Variants in BBS9 observed in about 807,000 individuals in gnomAD.
The protein encoded by BBS9 is protein PTHB1.
In BBS9, 89 loss-of-function variants were observed where a neutral mutation model predicts 117.7. The observed-to-expected ratio is 0.76, with a 90% CI of 0.64 to 0.90. The LOEUF (loss-of-function observed/expected upper bound fraction) is 0.90, where lower values mean the gene tolerates loss of function less well. Ranked by LOEUF, BBS9 falls within the 40% of genes least tolerant of loss-of-function variation. BBS9 has a pLI of 0.00. For synonymous variants in BBS9, 379 were observed against 370.9 expected (o/e 1.02, Z -0.25); for missense variants, 982 against 1,042.2 (o/e 0.94, Z 0.80).
chr7:33,206,811 A>G (rs939645847), intron 5 of BBS9, among the ~76,000 whole-genome samples: 1 of 152,150 alleles, frequency 6.6e-6, no homozygotes, highest in Non-Finnish European at 1.5e-5. Context: ...CTCAATGATT[A>G]CATTTCCATC....
At chr7:33,608,839 T>C (rs1394896636), downstream of BBS9, among the ~76,000 whole-genome samples, 2 of 151,694 alleles carry the variant, frequency 1.3e-5, no homozygotes, top group Admixed American at 1.3e-4. Flanking sequence ...GTGTCTTTTA[T>C]GATGCAGAAG....
chr7:33,452,831 C>G (rs1838089435), intron 19 of BBS9, among the ~76,000 whole-genome samples: 1 of 152,052 alleles, frequency 6.6e-6, no homozygotes, highest in Non-Finnish European at 1.5e-5. Flanking sequence ...GATAATAACG[C>G]AAAAGTTATA....
chr7:33,258,353 A>G (rs554480766), intron 6 of BBS9, among the ~76,000 whole-genome samples: 21 of 152,212 alleles, frequency 1.4e-4, no homozygotes, highest in Non-Finnish European at 2.5e-4. Flanking sequence ...TCATGTTTCA[A>G]TGTTGTGTAT....
intron 5 of BBS9, among the ~76,000 whole-genome samples, chr7:33,225,093 A>G (rs1461061346): frequency 2.0e-5 from 3 of 152,228 alleles, no homozygotes; most frequent in African/African-American, 7.2e-5. Context: ...GTTCTCTAGC[A>G]TCCTTTGAAG....
At chr7:33,396,567 A>C (rs1318772627) in intron 19 of BBS9, among the ~76,000 whole-genome samples, 1 of 152,166 alleles carries the variant, frequency 6.6e-6, no homozygotes, top group Non-Finnish European at 1.5e-5. Flanking sequence ...TATTGTGCAC[A>C]TGGCCATATT....
At chr7:33,580,319 A>G (rs763968479) in intron 21 of BBS9, among the ~76,000 whole-genome samples, 2 of 151,538 alleles carry the variant, frequency 1.3e-5, no homozygotes, top group Non-Finnish European at 2.9e-5. Context: ...ATCACTCGAG[A>G]AAAGAAAGTT....
chr7:33,373,350 G>A (rs1029806530), intron 17 of BBS9, among the ~76,000 whole-genome samples: 1 of 152,156 alleles, frequency 6.6e-6, no homozygotes, highest in African/African-American at 2.4e-5. Context: ...TTTCAACTTA[G>A]AATGCTGTGT....
intron 7 of BBS9, among the ~76,000 whole-genome samples, chr7:33,272,128 A>G (rs1397643304): frequency 3.3e-5 from 5 of 152,196 alleles, no homozygotes; most frequent in Non-Finnish European, 7.3e-5. Context: ...TCTTTAGCAA[A>G]CTAATGCAGG....
chr7:33,513,434 G>T (rs1847268500), intron 20 of BBS9, among the ~76,000 whole-genome samples: 1 of 152,098 alleles, frequency 6.6e-6, no homozygotes, highest in Non-Finnish European at 1.5e-5. Flanking sequence ...CATTCCCACA[G>T]AATTAAAGCA....
intron 19 of BBS9, among the ~76,000 whole-genome samples, chr7:33,489,331 CTTTTTT>C (rs35199510): frequency 1.3e-4 from 11 of 86,256 alleles, no homozygotes; most frequent in African/African-American, 3.1e-4. Flanking sequence ...CCACTTATGG[CTTTTTT>C]TTTTTTTTTT....
At chr7:33,184,925 A>G (rs1456796338) in intron 5 of BBS9, among the ~76,000 whole-genome samples, 2 of 152,220 alleles carry the variant, frequency 1.3e-5, no homozygotes, top group Admixed American at 6.5e-5. Context: ...AATGCTAAAC[A>G]AGGGATGGAT....
intron 16 of BBS9, among the ~76,000 whole-genome samples, chr7:33,367,397 T>C (rs771443813): frequency 2.6e-5 from 4 of 152,224 alleles, no homozygotes; most frequent in Non-Finnish European, 5.9e-5. Context: ...TTTTTATCTC[T>C]GGCCAGTAGT....
chr7:33,439,346 G>C (rs1236719201), intron 19 of BBS9, among the ~76,000 whole-genome samples: 2 of 152,020 alleles, frequency 1.3e-5, no homozygotes, highest in African/African-American at 4.8e-5. Context: ...GGATTTCTCT[G>C]AGTTTTAAAG....
intron 1 of BBS9, among the ~76,000 whole-genome samples, chr7:33,137,331 C>T (rs1385545673): frequency 2.0e-5 from 3 of 152,184 alleles, no homozygotes; most frequent in South Asian, 2.1e-4. Context: ...CCCGGGCCCC[C>T]GACAGTGCAG....
At chr7:33,207,023 A>G (rs139057121) in intron 5 of BBS9, among the ~76,000 whole-genome samples, 2 of 152,150 alleles carry the variant, frequency 1.3e-5, no homozygotes, top group East Asian at 3.9e-4. Context: ...AAGATTATAC[A>G]TTGTTGTCCA....
intron 21 of BBS9, among the ~76,000 whole-genome samples, chr7:33,603,519 G>GAAT (rs1460532325): frequency 6.6e-6 from 1 of 152,096 alleles, no homozygotes; most frequent in African/African-American, 2.4e-5. Flanking sequence ...TATAAAATGA[G>GAAT]AATAATAATA....
At chr7:33,487,976 C>A (rs1233583759) in intron 19 of BBS9, among the ~76,000 whole-genome samples, 1 of 152,126 alleles carries the variant, frequency 6.6e-6, no homozygotes, top group Non-Finnish European at 1.5e-5. Context: ...TACATGAAAT[C>A]AGCTTTGTAA....
chr7:33,519,501 A>T (rs981886387), intron 20 of BBS9, among the ~76,000 whole-genome samples: 1 of 152,232 alleles, frequency 6.6e-6, no homozygotes, highest in African/African-American at 2.4e-5. Flanking sequence ...TGTCAGTTAC[A>T]GTAGTCTATG....
At chr7:33,445,833 C>T (rs1313654545) in intron 19 of BBS9, among the ~76,000 whole-genome samples, 1 of 152,074 alleles carries the variant, frequency 6.6e-6, no homozygotes, top group Non-Finnish European at 1.5e-5. Flanking sequence ...CCTACTTGCA[C>T]TTCTTTTTTT....
Sources: allele counts gnomAD v4.1 joint callset (sites outside exome capture counted in the v4.1 genomes callset), GRCh38; gene constraint gnomAD v4.1.1; transcripts MANE v1.5; gene names NCBI Gene and HGNC (gene_info 2026-07-23, HGNC 2026-07-21).